PUDP: variants seen among roughly 807,000 people sequenced by gnomAD.
PUDP encodes the protein pseudouridine-5'-phosphatase.
In PUDP, 8 loss-of-function variants were observed where a neutral mutation model predicts 9.4. That is an observed-to-expected ratio of 0.85 (90% CI 0.50 to 1.53). The LOEUF is 1.53. PUDP is among the 40% of genes most tolerant of loss of function. The pLI is 0.00. For missense variants in PUDP, 188 were observed against 189.7 expected (o/e 0.99, Z 0.05); for synonymous variants, 99 against 80.7 (o/e 1.23, Z -1.22).
chrX:6,851,953 C>T (rs1248061646), intron 3 of PUDP, among the ~76,000 whole-genome samples: 1 of 112,416 alleles, frequency 8.9e-6, no homozygotes, highest in Non-Finnish European at 1.9e-5. Flanking sequence ...TTTCCAACAG[C>T]TCCAAGGGTG....
chrX:7,054,551 G>T (rs926609934), intron 3 of PUDP, among the ~76,000 whole-genome samples: 1 of 112,367 alleles, frequency 8.9e-6, no homozygotes, highest in African/African-American at 3.2e-5. Context: ...AGGCCAGTTG[G>T]CTTGGGTTTT....
chrX:7,016,618 C>T (rs1481169079), intron 1 of PUDP, among the ~76,000 whole-genome samples: 2 of 111,151 alleles, frequency 1.8e-5, no homozygotes, highest in African/African-American at 3.3e-5. Context: ...CTATGACCTC[C>T]AGCCCACACG....
intron 3 of PUDP, among the ~76,000 whole-genome samples, chrX:6,825,170 T>A (rs1392837063): frequency 9.0e-6 from 1 of 111,291 alleles, no homozygotes; most frequent in Non-Finnish European, 1.9e-5. Flanking sequence ...TTACTGCACA[T>A]AACGTTTTAG....
At chrX:7,043,428 C>G (rs184447010) in intron 1 of PUDP, among the ~76,000 whole-genome samples, 1 of 111,776 alleles carries the variant, frequency 8.9e-6, no homozygotes, top group Non-Finnish European at 1.9e-5. Context: ...CTCCCCTTCC[C>G]GTTCCACCAT....
intron 1 of PUDP, among the ~76,000 whole-genome samples, chrX:6,985,663 G>T (rs1053990769): frequency 1.1e-4 from 12 of 111,297 alleles, no homozygotes; most frequent in African/African-American, 3.9e-4. Flanking sequence ...GGTCAGTGCT[G>T]AAACAGTTGT....
intron 3 of PUDP, among the ~76,000 whole-genome samples, chrX:6,869,567 C>G (rs72609566): frequency 0.092 from 10,205 of 111,242 alleles, 605 homozygotes; most frequent in East Asian, 0.46. Flanking sequence ...CCAGCAGTGA[C>G]TGTGTCAGCA....
At chrX:6,959,457 C>T (rs1012037028) in intron 3 of PUDP, among the ~76,000 whole-genome samples, 5 of 112,226 alleles carry the variant, frequency 4.5e-5, no homozygotes, top group African/African-American at 1.3e-4. Flanking sequence ...GTGGTGTCCA[C>T]GTGGTGCTAA....
chrX:7,129,984 G>A (rs982069693), intron 1 of PUDP, among the ~76,000 whole-genome samples: 15 of 111,545 alleles, frequency 1.3e-4, no homozygotes, highest in East Asian at 8.5e-4. Flanking sequence ...GTTTATCCCC[G>A]GCATGGTGCG....
chrX:7,110,867 T>C (rs1207365643), intron 1 of PUDP, among the ~76,000 whole-genome samples: 1 of 111,325 alleles, frequency 9.0e-6, no homozygotes, highest in Non-Finnish European at 1.9e-5. Context: ...CAAATCACAA[T>C]GGTGGAGTGT....
intron 3 of PUDP, among the ~76,000 whole-genome samples, chrX:6,793,660 A>T (rs1925789969): frequency 9.0e-6 from 1 of 111,374 alleles, no homozygotes; most frequent in Admixed American, 9.6e-5. Flanking sequence ...GCTTGGAAGG[A>T]CCACCATCTA....
At chrX:6,770,184 C>T (rs1430114853) in intron 3 of PUDP, among the ~76,000 whole-genome samples, 2 of 112,685 alleles carry the variant, frequency 1.8e-5, no homozygotes, top group African/African-American at 3.2e-5. Context: ...TTCTTGGAGC[C>T]GGAGGAGTTA....
intron 3 of PUDP, among the ~76,000 whole-genome samples, chrX:6,776,886 G>A (rs763669686): frequency 4.5e-5 from 5 of 111,910 alleles, no homozygotes; most frequent in Non-Finnish European, 7.5e-5. Context: ...GAATACTCTT[G>A]ACAATAAATA....
intron 3 of PUDP, among the ~76,000 whole-genome samples, chrX:6,756,991 T>G (rs1454909348): frequency 3.6e-5 from 4 of 112,254 alleles, no homozygotes; most frequent in Non-Finnish European, 7.5e-5. Context: ...AAACACGAAG[T>G]GTCCTCACAC....
chrX:7,004,838 A>G (rs1349085545), intron 1 of PUDP, among the ~76,000 whole-genome samples: 2 of 112,004 alleles, frequency 1.8e-5, no homozygotes, highest in South Asian at 3.8e-4. Context: ...AAAGAGCTTT[A>G]GGCCAGTTTG....
At chrX:6,965,390 TA>T (rs978515478) in intron 3 of PUDP, among the ~76,000 whole-genome samples, 3 of 112,516 alleles carry the variant, frequency 2.7e-5, no homozygotes, top group Non-Finnish European at 5.6e-5. Context: ...CACATGGTTA[TA>T]ACCCATGAAA....
intron 3 of PUDP, among the ~76,000 whole-genome samples, chrX:6,776,130 C>A (rs184892843): frequency 9.0e-6 from 1 of 111,715 alleles, no homozygotes. Flanking sequence ...GTGGACAGCA[C>A]TATCCTGCAA....
chrX:6,959,513 G>A (rs1048897553), intron 3 of PUDP, among the ~76,000 whole-genome samples: 3 of 112,332 alleles, frequency 2.7e-5, no homozygotes, highest in Non-Finnish European at 5.6e-5. Context: ...CATGGCTTCC[G>A]CCACCCAAAT....
chrX:6,808,650 G>T (rs1471814598), intron 3 of PUDP, among the ~76,000 whole-genome samples: 1 of 111,642 alleles, frequency 9.0e-6, no homozygotes, highest in Non-Finnish European at 1.9e-5. Flanking sequence ...GCAGGTTTAC[G>T]TTCATTATTT....
intron 1 of PUDP, among the ~76,000 whole-genome samples, chrX:6,992,808 G>A (rs1458794331): frequency 8.9e-6 from 1 of 111,733 alleles, no homozygotes; most frequent in East Asian, 2.8e-4. Context: ...AGTGAACTGG[G>A]AGAGGCAGAC....
Sources: gnomAD v4.1 joint callset for allele counts (sites outside exome capture counted in the v4.1 genomes callset) on GRCh38, gnomAD v4.1.1 for gene constraint, MANE v1.5 for transcripts, NCBI Gene and HGNC (gene_info 2026-07-23, HGNC 2026-07-21) for gene names.